The following SPEN variants were observed in gnomAD, a reference collection of about 807,000 sequenced individuals.
SPEN encodes msx2-interacting protein.
A neutral mutation model predicts 269.9 loss-of-function variants in SPEN; 18 were observed. The observed-to-expected ratio is 0.07, with a 90% CI of 0.05 to 0.10. The LOEUF is 0.10. Among genes scored for constraint, SPEN ranks in the 10% least tolerant of loss-of-function variants. SPEN has a pLI of 1.00. For missense variants in SPEN, 3,822 were observed against 4,631.2 expected (o/e 0.83, Z 5.07); for synonymous variants, 1,726 against 1,765.7 (o/e 0.98, Z 0.56).
intron 1 of SPEN, among the ~76,000 whole-genome samples, chr1:15,868,546 T>C (rs2070540457): frequency 6.6e-6 from 1 of 152,054 alleles, no homozygotes; most frequent in Non-Finnish European, 1.5e-5. Context: ...GCCATTCTCC[T>C]GCCTCAGCCT....
Position 15,935,839 on chromosome 1 carries a change from A to G in SPEN, c.9599A>G (p.His3200Arg), listed in dbSNP as rs757613816. The G allele has an allele frequency of 6.2e-7, 1 of 1,613,806 alleles. No individual in the cohort carries two copies. The highest frequency in any genetic ancestry group is 8.5e-7 in the Non-Finnish European group (1 of 1,180,004). The change falls in exon 11 of 15, where the codon CAT becomes CGT. Residue 3200 changes from histidine to arginine, a missense_variant. This residue lies in a region of SPEN where 153 missense variants were observed against 228.5 expected (regional missense o/e 0.67). Transcript: ENST00000375759. This position sits in a 1 kb window ranked among gnomAD's most constrained non-coding sequence, Gnocchi z 7.7. ...TVPRDVRIMV[H>R]PHVTAVSEQP... ...CCACGGGATGTGAGGATCATGGTGC[A>G]TCCACATGTGACGGCAGTCAGCGAG...
intron 3 of SPEN, among the ~76,000 whole-genome samples, chr1:15,879,101 G>C (rs2070662322): frequency 6.6e-6 from 1 of 150,530 alleles, no homozygotes; most frequent in Admixed American, 6.6e-5. Flanking sequence ...CACACTATGA[G>C]GCTGAGGTGG....
chr1:15,927,988 CAA>C, intron 10 of SPEN, 101 bp from the exon 11 acceptor site: 1 of 1,109,080 alleles, frequency 9.0e-7, no homozygotes, highest in Non-Finnish European at 1.3e-6. Flanking sequence ...TAAATAATGT[CAA>C]AAGATTTTTT....
At chr1:15,851,760 G>A (rs10159189) in intron 1 of SPEN, among the ~76,000 whole-genome samples, 50,391 of 151,972 alleles carry the variant, frequency 0.33, 10,067 homozygotes, top group East Asian at 0.69. Context: ...CGAGGCGGGC[G>A]GGTCACGAAG....
rs2071011184 is a variant in SPEN, at chr1:15,911,425, T to C, written c.1243+124T>C. 4.4e-5 allele frequency: 32 copies of C among 725,164 alleles called. No individual in the cohort carries two copies. The South Asian group carries it at 5.4e-4, about 12-fold the overall frequency. The allele number at this position is 725,164 out of a possible 1,614,324, so 44.9% of individuals were successfully genotyped here. On this transcript the variant is annotated intron_variant, in intron 5 of 14. Coordinates refer to ENST00000375759, the MANE Select transcript of SPEN (RefSeq NM_015001.3). ...TTCTGGCTTTATTTATTGACATATT[T>C]CCATTGTCTTCTGTTTTAAAAGATG...
In SPEN at chr1:15,937,223, G is replaced by A. The variant is rs756610754; in HGVS notation, c.10087G>A (p.Ala3363Thr). 1 of 1,612,878 alleles carries A rather than the reference G, an allele frequency of 6.2e-7. No homozygotes were observed. Among genetic ancestry groups the A allele is most frequent in the African/African-American group, 1.3e-5 (1 of 74,920 alleles). ...TCAGCCTGTGCAGTCCACACAGCCT[G>A]CCCAGCCTGCACCACCCTGCCCGCC... Reference protein sequence around the residue: ...PPQPVQSTQPAQPAPPCPPSQ... With the variant: ...PPQPVQSTQPTQPAPPCPPSQ... Residue 3363 changes from alanine to threonine, a missense_variant, in exon 12 of 15, where the codon GCC (alanine) becomes ACC (threonine). Transcript: ENST00000375759. The surrounding 1 kb of genome is among the most constrained non-coding windows in gnomAD (Gnocchi z 5.7).
At chr1:15,936,374 C>CTT in intron 11 of SPEN, 108 bp downstream of exon 11, 2 of 1,402,870 alleles carry the variant, frequency 1.4e-6, no homozygotes, top group Non-Finnish European at 1.9e-6. Context: ...GGTGTGGTGG[C>CTT]TTATGCCTGT....
rs1460636736 is a variant in SPEN, at chr1:15,934,241, C to T, written c.8001C>T (p.Ala2667=). 5 of 1,614,118 alleles carry T rather than the reference C, an allele frequency of 3.1e-6. No homozygotes were observed. The highest frequency in any genetic ancestry group is 4.2e-6 in the Non-Finnish European group (5 of 1,180,046). ...ACGTCTCCCTGGTCCCGGTGAATGC[C>T]CTGAAAGGCCCCGTGAAGGGCTCAG... ...LVNVSLVPVN[A]LKGPVKGSVT... is the part of the protein sequence containing the mutation. Residue 2667 remains alanine (A), a synonymous_variant, in exon 11 of 15, where the codon GCC becomes GCT. Coordinates refer to ENST00000375759, the MANE Select transcript of SPEN (RefSeq NM_015001.3). The surrounding 1 kb of genome is among the most constrained non-coding windows in gnomAD (Gnocchi z 9.2).
chr1:15,931,643 T>C lies in SPEN; in HGVS notation c.5403T>C (p.Ala1801=), dbSNP rs779768457. ...CTGCTCCTGAGTCTCAGCCCCCAGC[T>C]TCTGAAGATTTAGAGGTTGATCCTC... ...AEAAPESQPP[A]SEDLEVDPPV... is the part of the protein sequence containing the mutation. Residue 1801 remains alanine (A), a synonymous_variant, in exon 11 of 15, where the codon GCT becomes GCC. Transcript: ENST00000375759. The surrounding 1 kb of genome is among the most constrained non-coding windows in gnomAD (Gnocchi z 4.8). 1 of 1,614,170 alleles carries C rather than the reference T, an allele frequency of 6.2e-7. No individual in the cohort carries two copies. Among genetic ancestry groups the C allele is most frequent in the Admixed American group, 1.7e-5 (1 of 60,018 alleles).
chr1:15,905,505 A>G (rs1189394081), intron 3 of SPEN, among the ~76,000 whole-genome samples: 1 of 152,046 alleles, frequency 6.6e-6, no homozygotes, highest in Admixed American at 6.6e-5. Context: ...TACAGGTGTT[A>G]GCTACCATGC....
At chr1:15,888,795 C>T (rs1191451932) in intron 3 of SPEN, among the ~76,000 whole-genome samples, 2 of 151,762 alleles carry the variant, frequency 1.3e-5, no homozygotes, top group African/African-American at 4.8e-5. Flanking sequence ...CCATGCCCAG[C>T]TAATTTTGTA....
chr1:15,873,474 A>T, intron 2 of SPEN: 1 of 1,025,438 alleles, frequency 9.8e-7, no homozygotes, highest in Non-Finnish European at 1.2e-6. Context: ...CTTCTACCTG[A>T]TGGAGCTATT....
intron 3 of SPEN, among the ~76,000 whole-genome samples, chr1:15,876,924 TGGAA>T (rs941678227): frequency 6.6e-6 from 1 of 152,184 alleles, no homozygotes; most frequent in Non-Finnish European, 1.5e-5. Flanking sequence ...ATGATCAAAG[TGGAA>T]GGGAGGTGGT....
At chr1:15,894,311 G>A (rs1326436524) in intron 3 of SPEN, among the ~76,000 whole-genome samples, 1 of 152,000 alleles carries the variant, frequency 6.6e-6, no homozygotes, top group Non-Finnish European at 1.5e-5. Flanking sequence ...CTTGTTCTTA[G>A]GCAGACATGT....
At position 15,929,130 on chromosome 1, in the gene SPEN, C is replaced by T. The variant is rs1256542857; in HGVS notation, c.2890C>T (p.Leu964Phe). The T allele has an allele frequency of 1.2e-6, 2 of 1,614,188 alleles. No homozygotes were observed. Among genetic ancestry groups the T allele is most frequent in the East Asian group, 2.2e-5 (1 of 44,886 alleles). ...KEGRLKARKH[L>F]KPEQPADGVS... ...AGGCAGGCTTAAAGCCAGGAAGCAC[C>T]TCAAGCCTGAGCAGCCTGCAGATGG... The change falls in exon 11 of 15, where the codon CTC becomes TTC. Residue 964 changes from leucine (L) to phenylalanine (F), a missense_variant. This residue lies in a region of SPEN where 572 missense variants were observed against 582.6 expected (regional missense o/e 0.98). Transcript: ENST00000375759. This position sits in a 1 kb window ranked among gnomAD's most constrained non-coding sequence, Gnocchi z 5.8.
intron 1 of SPEN, among the ~76,000 whole-genome samples, chr1:15,861,338 G>T (rs2070446618): frequency 6.6e-6 from 1 of 151,904 alleles, no homozygotes; most frequent in Non-Finnish European, 1.5e-5. Context: ...CAGTATGTTG[G>T]CCAGGCTCGT....
intron 3 of SPEN, among the ~76,000 whole-genome samples, chr1:15,902,305 A>G (rs763677902): frequency 3.9e-5 from 6 of 152,170 alleles, no homozygotes; most frequent in Non-Finnish European, 7.3e-5. Context: ...CTGTGATTAT[A>G]AGGTTTTTTG....
intron 1 of SPEN, among the ~76,000 whole-genome samples, chr1:15,867,654 C>T (rs1308399682): frequency 6.6e-6 from 1 of 150,860 alleles, no homozygotes; most frequent in Non-Finnish European, 1.5e-5. Flanking sequence ...GTGGCTATCT[C>T]ACCAGCAATG....
chr1:15,861,263 C>T (rs1008422823), intron 1 of SPEN, among the ~76,000 whole-genome samples: 4 of 151,676 alleles, frequency 2.6e-5, no homozygotes, highest in East Asian at 2.0e-4. Context: ...TCCCAAGTAC[C>T]TAGGACTATA....
Sources: gnomAD v4.1 joint callset for allele counts (sites outside exome capture counted in the v4.1 genomes callset) on GRCh38, gnomAD v4.1.1 for gene constraint, gnomAD v4.1.1 regional missense constraint, Gnocchi (gnomAD v3.1) non-coding constraint, MANE v1.5 for transcripts, NCBI Gene and HGNC (gene_info 2026-07-23, HGNC 2026-07-21) for gene names.